NMNAT2: variants seen among roughly 807,000 people sequenced by gnomAD.
The protein encoded by NMNAT2 is nicotinamide/nicotinic acid mononucleotide adenylyltransferase 2.
Under a neutral mutation model 41.6 loss-of-function variants are expected in NMNAT2, and 11 were observed. The observed-to-expected ratio is 0.26, with a 90% CI of 0.17 to 0.44. NMNAT2 has a LOEUF of 0.44. NMNAT2 is among the 20% of genes least tolerant of loss of function. The pLI is 1.00. For synonymous variants in NMNAT2, 148 were observed against 151.2 expected, an observed-to-expected ratio of 0.98 and a Z score of 0.16; for missense variants, 288 against 407.7, an observed-to-expected ratio of 0.71 and a Z score of 2.53.
chr1:183,260,311 A>C (rs1660624918), intron 10 of NMNAT2, among the ~76,000 whole-genome samples: 2 of 152,242 alleles, frequency 1.3e-5, no homozygotes, highest in Non-Finnish European at 2.9e-5. Context: ...GGATGAGGCC[A>C]TAGATTCCAT....
chr1:183,414,752 T>C (rs1649209648), intron 1 of NMNAT2, among the ~76,000 whole-genome samples: 1 of 152,236 alleles, frequency 6.6e-6, no homozygotes, highest in Admixed American at 6.5e-5. Flanking sequence ...AAGTTCATTC[T>C]AAAAATATTT....
At chr1:183,326,375 C>CAA (rs58330585) in intron 1 of NMNAT2, among the ~76,000 whole-genome samples, 2 of 69,148 alleles carry the variant, frequency 2.9e-5, no homozygotes, top group African/African-American at 6.1e-5. Context: ...GACTCCATCT[C>CAA]AAAAAAAAAA....
chr1:183,284,159 G>A lies in NMNAT2; in HGVS notation c.530-120C>T, dbSNP rs1661341124. Reference sequence around the variant, plus strand: ...ATGGGGTGGGGTGGGTGCAAGTAGGGGTGTGGTGTGCCACCTGAGGAGGGT... The same window carrying A: ...ATGGGGTGGGGTGGGTGCAAGTAGGAGTGTGGTGTGCCACCTGAGGAGGGT... On this transcript the variant is annotated intron_variant, in intron 6 of 10. Transcript: ENST00000287713. 3.7e-6 allele frequency: 3 copies of A among 811,058 alleles called. No homozygotes were observed. The African/African-American group carries it at 5.1e-5, about 14-fold the overall frequency. 50.2% of individuals were successfully genotyped at this position (811,058 alleles called of 1,614,324 possible).
At chr1:183,386,957 TA>T (rs1339995867) in intron 1 of NMNAT2, among the ~76,000 whole-genome samples, 1 of 152,092 alleles carries the variant, frequency 6.6e-6, no homozygotes, top group African/African-American at 2.4e-5. Flanking sequence ...GGAAAACTAT[TA>T]AAAAATGTTT....
chr1:183,411,897 A>G (rs1242503995), intron 1 of NMNAT2, among the ~76,000 whole-genome samples: 1 of 152,076 alleles, frequency 6.6e-6, no homozygotes, highest in East Asian at 1.9e-4. Context: ...CAATGAGGAG[A>G]AGGTTACATT....
At chr1:183,308,001 G>A (rs947949109) in intron 1 of NMNAT2, among the ~76,000 whole-genome samples, 7 of 152,172 alleles carry the variant, frequency 4.6e-5, no homozygotes, top group African/African-American at 1.7e-4. Flanking sequence ...TGATGGATGG[G>A]GGAGAGCTGC....
chr1:183,412,152 A>C (rs1004398547), intron 1 of NMNAT2, among the ~76,000 whole-genome samples: 2 of 152,214 alleles, frequency 1.3e-5, no homozygotes, highest in Non-Finnish European at 2.9e-5. Flanking sequence ...GGAGCTCTGG[A>C]GGATTTGGAG....
At chr1:183,400,662 T>G (rs972689388) in intron 1 of NMNAT2, among the ~76,000 whole-genome samples, 2 of 152,128 alleles carry the variant, frequency 1.3e-5, no homozygotes, top group African/African-American at 2.4e-5. Context: ...GACTTCACAC[T>G]GTACTACAAG....
intron 1 of NMNAT2, among the ~76,000 whole-genome samples, chr1:183,401,083 G>A (rs1474572066): frequency 6.6e-6 from 1 of 152,142 alleles, no homozygotes; most frequent in Non-Finnish European, 1.5e-5. Context: ...TTAAACTCAA[G>A]AGCTTCTGCA....
chr1:183,271,658 C>A (rs1272642348), intron 8 of NMNAT2, among the ~76,000 whole-genome samples: 2 of 151,732 alleles, frequency 1.3e-5, no homozygotes, highest in African/African-American at 4.8e-5. Flanking sequence ...ACTGCAAGTG[C>A]CTCAAGGATA....
intron 1 of NMNAT2, among the ~76,000 whole-genome samples, chr1:183,365,973 C>G (rs1334124414): frequency 3.3e-5 from 5 of 152,218 alleles, no homozygotes; most frequent in Non-Finnish European, 4.4e-5. Context: ...AACTTCCTTT[C>G]CCTCTCCATC....
At chr1:183,255,249 C>T (rs1006936014) in intron 10 of NMNAT2, among the ~76,000 whole-genome samples, 1 of 152,164 alleles carries the variant, frequency 6.6e-6, no homozygotes, top group Non-Finnish European at 1.5e-5. Flanking sequence ...TATTTCTGGG[C>T]TCACTATTCG....
intron 1 of NMNAT2, among the ~76,000 whole-genome samples, chr1:183,300,389 C>A (rs1428190146): frequency 2.7e-5 from 4 of 148,710 alleles, no homozygotes; most frequent in African/African-American, 9.9e-5. Flanking sequence ...GTGACAGAGC[C>A]AGACTCTGAG....
chr1:183,258,597 G>T (rs1660577072), intron 10 of NMNAT2, among the ~76,000 whole-genome samples: 1 of 152,140 alleles, frequency 6.6e-6, no homozygotes, highest in Non-Finnish European at 1.5e-5. Context: ...GGACTAGATT[G>T]ACTTTGTAGG....
rs1375969151 is a variant in NMNAT2 at position 183,273,823 on chromosome 1, T to TTCCCTCCC, written c.651+4722_651+4729dup. Among the ~76,000 whole-genome samples the TTCCCTCCC allele has an allele frequency of 4.0e-3, 181 of 44,984 alleles. 24 individuals carry two copies. The highest frequency in any genetic ancestry group is 0.014 in the African/African-American group (139 of 9,964). 29.5% of individuals were successfully genotyped at this position (44,984 alleles called of 152,430 possible). ...TCTTTCTCTCTTTCTTTCCTTTCTT[T>TTCCCTCCC]TCCCTCCCTCCCTCCCTCCCTTCCT... is the stretch of plus-strand genomic sequence containing the variant. On this transcript the variant is annotated intron_variant, in intron 8 of 10. Transcript: ENST00000287713.
intron 8 of NMNAT2, among the ~76,000 whole-genome samples, chr1:183,276,789 T>A (rs1467460050): frequency 1.3e-5 from 2 of 152,264 alleles, no homozygotes; most frequent in Non-Finnish European, 2.9e-5. Flanking sequence ...GCATTACTTT[T>A]GACTTTCATA....
chr1:183,309,583 T>A (rs1662064012), intron 1 of NMNAT2, among the ~76,000 whole-genome samples: 1 of 152,254 alleles, frequency 6.6e-6, no homozygotes, highest in Non-Finnish European at 1.5e-5. Context: ...TATACTAGAA[T>A]TGAATTTTGT....
intron 1 of NMNAT2, among the ~76,000 whole-genome samples, chr1:183,345,479 A>T (rs1377063064): frequency 1.3e-5 from 2 of 152,048 alleles, no homozygotes; most frequent in African/African-American, 4.8e-5. Context: ...GAATTGGTGA[A>T]TTAATGGGTT....
At position 183,248,658 on chromosome 1, in the gene NMNAT2, T is replaced by C. The variant is rs1660289252; in HGVS notation, c.*3983A>G. On this transcript the variant is annotated 3_prime_UTR_variant, in exon 11 of 11. Coordinates refer to ENST00000287713, the MANE Select transcript of NMNAT2 (RefSeq NM_015039.4). ...TAAGATGGTGCAGACTGGATGAATTTGGCAGAGCATATTCATCACCATTAC... is the reference window on the plus strand; with the variant it reads ...TAAGATGGTGCAGACTGGATGAATTCGGCAGAGCATATTCATCACCATTAC... The C allele has an allele frequency of 6.6e-6, 1 of 152,232 alleles. No individual in the cohort carries two copies. The highest frequency in any genetic ancestry group is 1.5e-5 in the Non-Finnish European group (1 of 68,060). 9.4% of individuals were successfully genotyped at this position (152,232 alleles called of 1,614,324 possible).
Sources: allele counts gnomAD v4.1 joint callset (sites outside exome capture counted in the v4.1 genomes callset), GRCh38; gene constraint gnomAD v4.1.1; transcripts MANE v1.5; gene names NCBI Gene and HGNC (gene_info 2026-07-23, HGNC 2026-07-21).